RRM2B: variants seen among roughly 807,000 people sequenced by gnomAD.
The protein encoded by RRM2B is ribonucleotide reductase regulatory TP53 inducible subunit M2B.
In RRM2B, 20 loss-of-function variants were observed where a neutral mutation model predicts 45.9. The ratio of observed to expected loss-of-function variants is 0.44; its 90% CI spans 0.31 to 0.63. The LOEUF is 0.63. Ranked by LOEUF, RRM2B falls within the 30% of genes least tolerant of loss-of-function variation. The pLI is 0.09. For synonymous variants in RRM2B, 124 were observed against 132.3 expected (o/e 0.94, Z 0.43); for missense variants, 320 against 414.7 (o/e 0.77, Z 1.98).
Position 102,232,155 on chromosome 8 carries a change from T to A in RRM2B, c.198A>T (p.Ala66=), listed in dbSNP as rs779052393. The A allele has an allele frequency of 6.2e-7, 1 of 1,614,146 alleles. No homozygotes were observed. The highest frequency in any genetic ancestry group is 1.7e-5 in the Admixed American group (1 of 60,026). ...TGGAGGCAATGCCACGTACCTCTTC[T>A]GCTGTCCAGAAGGAAGCCTGTGCCT... The part of the protein sequence containing the change: ...YKQAQASFWT[A]EEVDLSKDLP... The change falls in exon 2 of 9, where the codon GCA becomes GCT. Residue 66 remains alanine, a synonymous_variant. Transcript: ENST00000251810.
rs1810543060 is a variant in RRM2B at position 102,206,254 on chromosome 8, A to G, written c.*1879T>C. On this transcript the variant is annotated 3_prime_UTR_variant, in exon 9 of 9. Coordinates refer to ENST00000251810, the MANE Select transcript of RRM2B (RefSeq NM_015713.5). ...TACAACCTCTAAAAAAAAATACTGT[A>G]CAGACAGTGACGATGAGCAGATCTT... 6.6e-6 allele frequency: 1 copy of G among 152,130 alleles called. No individual in the cohort carries two copies. Among genetic ancestry groups the G allele is most frequent in the African/African-American group, 2.4e-5 (1 of 41,452 alleles). The allele number at this position is 152,130 out of a possible 1,614,324, so 9.4% of individuals were successfully genotyped here.
intron 2 of RRM2B, among the ~76,000 whole-genome samples, chr8:102,230,540 A>C (rs966040561): frequency 6.6e-6 from 1 of 152,224 alleles, no homozygotes; most frequent in Non-Finnish European, 1.5e-5. Flanking sequence ...AACCACAGAC[A>C]GTTAGGGACA....
intron 1 of RRM2B, among the ~76,000 whole-genome samples, chr8:102,232,724 A>G (rs956582932): frequency 1.3e-5 from 2 of 151,938 alleles, no homozygotes; most frequent in African/African-American, 2.4e-5. Context: ...CCTCTCTGAT[A>G]AGATTGCTGG....
intron 5 of RRM2B, among the ~76,000 whole-genome samples, chr8:102,223,528 T>C (rs1408812170): frequency 6.6e-6 from 1 of 151,906 alleles, no homozygotes; most frequent in African/African-American, 2.4e-5. Flanking sequence ...CCCCCATCTC[T>C]ATTAAAAAAT....
intron 1 of RRM2B, among the ~76,000 whole-genome samples, chr8:102,234,044 A>C (rs1388303756): frequency 6.6e-6 from 1 of 151,914 alleles, no homozygotes; most frequent in Non-Finnish European, 1.5e-5. Context: ...CTGGTCTCAA[A>C]CTCCTGGCCT....
intron 1 of RRM2B, 115 bp from the exon 2 acceptor site, chr8:102,232,419 C>T: frequency 9.6e-7 from 1 of 1,036,434 alleles, no homozygotes; most frequent in South Asian, 1.3e-5. Flanking sequence ...GCCTGTCTGC[C>T]TGGGTTGAAT....
chr8:102,215,062 A>AG (rs1353085067), intron 6 of RRM2B, among the ~76,000 whole-genome samples: 2 of 149,812 alleles, frequency 1.3e-5, no homozygotes, highest in African/African-American at 4.9e-5. Flanking sequence ...AAAAAAAAAA[A>AG]AAAAAAGAAA....
intron 7 of RRM2B, among the ~76,000 whole-genome samples, chr8:102,213,332 G>A (rs892304229): frequency 3.3e-5 from 5 of 152,084 alleles, no homozygotes; most frequent in African/African-American, 9.7e-5. Flanking sequence ...AGATTTGGGG[G>A]TTGGGAGATA....
At chr8:102,230,609 G>T (rs990234221) in intron 2 of RRM2B, among the ~76,000 whole-genome samples, 1 of 152,100 alleles carries the variant, frequency 6.6e-6, no homozygotes, top group Non-Finnish European at 1.5e-5. Flanking sequence ...GTTTTTGTGT[G>T]GTTTGGTTTT....
chr8:102,225,045 T>C, intron 3 of RRM2B, 27 bp from the exon 4 acceptor site: 2 of 1,612,744 alleles, frequency 1.2e-6, no homozygotes, highest in African/African-American at 2.7e-5. Context: ...AATAGATATA[T>C]CCAGTTCTAT....
At position 102,224,093 on chromosome 8, in the gene RRM2B, T is replaced by C. The variant is rs886062571; in HGVS notation, c.503A>G (p.Lys168Arg). The change falls in exon 5 of 9, where the codon AAA (lysine) becomes AGA (arginine). Residue 168 changes from lysine (K) to arginine (R), a missense_variant. Physicochemically the swap from Lys to Arg is conservative, Grantham distance 26. This residue lies in a region of RRM2B where 225 missense variants were observed against 289.4 expected (regional missense o/e 0.78). Transcript: ENST00000251810. Reference sequence around the variant, plus strand: ...TATCCATCGCAAGGCCCAATCTGCTTTTTTCTTAACATAGGGCATGGTTTC... The same window carrying C: ...TATCCATCGCAAGGCCCAATCTGCTCTTTTCTTAACATAGGGCATGGTTTC... ...AIETMPYVKKKADWALRWIAD... is the reference protein window; with the variant it reads ...AIETMPYVKKRADWALRWIAD... The C allele has an allele frequency of 5.6e-6, 9 of 1,613,722 alleles. No homozygotes were observed. The highest frequency in any genetic ancestry group is 7.6e-6 in the Non-Finnish European group (9 of 1,179,750).
chr8:102,237,020 C>T (rs2132567998), intron 1 of RRM2B, among the ~76,000 whole-genome samples: 1 of 151,012 alleles, frequency 6.6e-6, no homozygotes, highest in Non-Finnish European at 1.5e-5. Context: ...TGTATGTTGT[C>T]ATAGTCATAC....
intron 8 of RRM2B, among the ~76,000 whole-genome samples, chr8:102,210,469 G>GT (rs1050017168): frequency 1.5e-3 from 220 of 148,152 alleles, no homozygotes; most frequent in East Asian, 8.6e-3. Context: ...TTTTTGGTGG[G>GT]TTTTTTTTTT....
chr8:102,237,924 T>A (rs1038888565), intron 1 of RRM2B, among the ~76,000 whole-genome samples: 4 of 152,236 alleles, frequency 2.6e-5, no homozygotes, highest in African/African-American at 9.6e-5. Context: ...AAACGTTTGT[T>A]TCCCCCAAAT....
chr8:102,222,419 A>G (rs993227481), intron 5 of RRM2B, among the ~76,000 whole-genome samples: 5 of 152,176 alleles, frequency 3.3e-5, no homozygotes, highest in Non-Finnish European at 5.9e-5. Flanking sequence ...GGAGGCAAAC[A>G]TATCTGCTTC....
chr8:102,237,469 T>G (rs1275732380), intron 1 of RRM2B, among the ~76,000 whole-genome samples: 1 of 152,226 alleles, frequency 6.6e-6, no homozygotes, highest in Non-Finnish European at 1.5e-5. Context: ...GCAATTTACA[T>G]TTTTTACAAA....
chr8:102,226,343 T>TATAA (rs1554611742), intron 2 of RRM2B, among the ~76,000 whole-genome samples: 2 of 151,570 alleles, frequency 1.3e-5, no homozygotes, highest in African/African-American at 2.4e-5. Flanking sequence ...TATATATATA[T>TATAA]AACATCATGT....
chr8:102,225,329 G>T (rs1262904739), intron 3 of RRM2B, among the ~76,000 whole-genome samples: 2 of 149,682 alleles, frequency 1.3e-5, no homozygotes, highest in East Asian at 4.0e-4. Flanking sequence ...TGCCTCCCAG[G>T]TTCAAGAAAT....
intron 2 of RRM2B, 99 bp downstream of exon 2, chr8:102,232,050 C>T: frequency 5.5e-6 from 6 of 1,084,390 alleles, no homozygotes; most frequent in Non-Finnish European, 8.6e-6. Flanking sequence ...TACAACTGAT[C>T]TTCTTCAATG....
Sources: allele counts gnomAD v4.1 joint callset (sites outside exome capture counted in the v4.1 genomes callset), GRCh38; gene constraint gnomAD v4.1.1; regional missense constraint gnomAD v4.1.1; transcripts MANE v1.5; gene names NCBI Gene and HGNC (gene_info 2026-07-23, HGNC 2026-07-21).